The following MECOM variants were observed in gnomAD, a reference collection of about 807,000 sequenced individuals.
MECOM encodes histone-lysine N-methyltransferase MECOM.
A neutral mutation model predicts 116.3 loss-of-function variants in MECOM; 13 were observed. That is an observed-to-expected ratio of 0.11 (90% CI 0.07 to 0.18). MECOM has a LOEUF of 0.18. Among genes scored for constraint, MECOM ranks in the 10% least tolerant of loss-of-function variants. The pLI is 1.00. For missense variants in MECOM, 1,299 were observed against 1,509.0 expected (o/e 0.86, Z 2.31); for synonymous variants, 528 against 535.2 (o/e 0.99, Z 0.19).
intron 1 of MECOM, among the ~76,000 whole-genome samples, chr3:169,528,551 G>A (rs1758213230): frequency 6.6e-6 from 1 of 152,140 alleles, no homozygotes; most frequent in Non-Finnish European, 1.5e-5. Flanking sequence ...TTTTTAAAAA[G>A]GAGTATTCTC....
chr3:169,234,336 T>C (rs1387006433), intron 2 of MECOM, among the ~76,000 whole-genome samples: 1 of 152,014 alleles, frequency 6.6e-6, no homozygotes, highest in African/African-American at 2.4e-5. Flanking sequence ...TTAGGTTCTA[T>C]CAAGATTCTT....
At chr3:169,396,695 G>T (rs1447176868) in intron 1 of MECOM, among the ~76,000 whole-genome samples, 2 of 152,122 alleles carry the variant, frequency 1.3e-5, no homozygotes, top group Non-Finnish European at 2.9e-5. Context: ...GAATAGCAAG[G>T]CATGGTGGCT....
intron 2 of MECOM, among the ~76,000 whole-genome samples, chr3:169,371,966 G>A (rs1730213744): frequency 6.6e-6 from 1 of 151,996 alleles, no homozygotes; most frequent in Non-Finnish European, 1.5e-5. Flanking sequence ...AATGACACAA[G>A]GAAGCACATC....
At chr3:169,360,270 C>A (rs16853569) in intron 2 of MECOM, among the ~76,000 whole-genome samples, 49,526 of 132,764 alleles carry the variant, frequency 0.37, 9,586 homozygotes, top group Admixed American at 0.5. Context: ...GTACCTCAGA[C>A]CCTAAAACTT....
At chr3:169,238,978 A>G (rs1189977041) in intron 2 of MECOM, among the ~76,000 whole-genome samples, 1 of 152,166 alleles carries the variant, frequency 6.6e-6, no homozygotes, top group Non-Finnish European at 1.5e-5. Context: ...TCACATCTTC[A>G]TCATAATGAG....
At chr3:169,620,242 C>A (rs1266558030) in intron 1 of MECOM, among the ~76,000 whole-genome samples, 1 of 152,162 alleles carries the variant, frequency 6.6e-6, no homozygotes, top group African/African-American at 2.4e-5. Context: ...TCCATTGCAA[C>A]CCTCTGGCTT....
chr3:169,087,616 AC>A (rs1229369446), intron 16 of MECOM, among the ~76,000 whole-genome samples: 1 of 152,112 alleles, frequency 6.6e-6, no homozygotes. Flanking sequence ...GAAACAAGTA[AC>A]AAAAAACCAA....
rs1029387551 is a variant in MECOM, at chr3:169,284,294, C to A, written c.375+96893G>T. Among the ~76,000 whole-genome samples, 41 of 152,334 alleles carry A rather than the reference C, an allele frequency of 2.7e-4. 1 individual carries two copies. The highest frequency in any genetic ancestry group is 9.9e-4 in the African/African-American group (41 of 41,574). ...TTACCTTTCGGAAACCACGGGGTCA[C>A]ATTCTAGCAGCCTCCTTCGTGGTCT... On this transcript the variant is annotated intron_variant, in intron 2 of 16. Transcript: ENST00000651503.
At chr3:169,098,087 AC>A (rs1722310897) in intron 12 of MECOM, among the ~76,000 whole-genome samples, 2 of 152,148 alleles carry the variant, frequency 1.3e-5, no homozygotes, top group South Asian at 4.1e-4. Flanking sequence ...CAAAGATAGT[AC>A]AAAGGGTTCC....
chr3:169,488,485 G>T (rs1752677457), intron 1 of MECOM, among the ~76,000 whole-genome samples: 1 of 151,918 alleles, frequency 6.6e-6, no homozygotes, highest in Non-Finnish European at 1.5e-5. Context: ...AGCAAAGGTT[G>T]CTGTGAACCG....
chr3:169,115,538 G>A lies in MECOM; in HGVS notation c.2334C>T (p.Gly778=). ...TTGTCCCACTGGCTCTACTCCTACT[G>A]CCCATACTTAGATCCAGGGGCTGGT... ...SQDQPLDLSM[G]SRSRASGTKL... The change falls in exon 8 of 17, where the codon GGC becomes GGT. Residue 778 remains glycine, a synonymous_variant. Transcript: ENST00000651503. 6.2e-7 allele frequency: 1 copy of A among 1,614,006 alleles called. No homozygotes were observed. The highest frequency in any genetic ancestry group is 8.5e-7 in the Non-Finnish European group (1 of 1,180,014).
intron 2 of MECOM, among the ~76,000 whole-genome samples, chr3:169,331,921 C>A (rs575042257): frequency 6.7e-6 from 1 of 150,184 alleles, no homozygotes; most frequent in Non-Finnish European, 1.5e-5. Context: ...AAGTGAGATG[C>A]GTACTGGGAT....
At chr3:169,313,632 G>T (rs1012116969) in intron 2 of MECOM, among the ~76,000 whole-genome samples, 9 of 152,198 alleles carry the variant, frequency 5.9e-5, no homozygotes, top group African/African-American at 1.7e-4. Context: ...TGGTGATGTG[G>T]CATGTAGATA....
At chr3:169,562,270 C>T (rs1202250002) in intron 1 of MECOM, among the ~76,000 whole-genome samples, 1 of 151,206 alleles carries the variant, frequency 6.6e-6, no homozygotes, top group Non-Finnish European at 1.5e-5. Flanking sequence ...AATCTTATCT[C>T]TAAACAAAAT....
rs370953541 is a variant in MECOM at position 169,133,153 on chromosome 3, CACA to C, written c.511-1625_511-1623del. 2.8e-3 allele frequency among the ~76,000 whole-genome samples: 418 copies of C among 151,890 alleles called. 2 individuals are homozygous for C. The highest frequency in any genetic ancestry group is 9.0e-3 in the African/African-American group (373 of 41,382). On this transcript the variant is annotated intron_variant, in intron 3 of 16. Transcript: ENST00000651503. ...CACACATACACTACCAAAACAATAA[CACA>C]ACAACCACCATCATATTCTAAGAAT...
chr3:169,645,656 A>G (rs960155005), intron 1 of MECOM, among the ~76,000 whole-genome samples: 8 of 152,338 alleles, frequency 5.3e-5, no homozygotes, highest in Admixed American at 5.2e-4. Context: ...TTGCGGCTAC[A>G]AAGGCCAGAA....
chr3:169,141,284 A>G (rs753534705), intron 3 of MECOM, among the ~76,000 whole-genome samples: 10 of 152,058 alleles, frequency 6.6e-5, no homozygotes, highest in Non-Finnish European at 1.2e-4. Flanking sequence ...GTATCTAAAA[A>G]TCAGAGCAAA....
At position 169,381,362 on chromosome 3, in the gene MECOM, G is replaced by C. The variant is rs764373815; in HGVS notation, c.200C>G (p.Pro67Arg). The change falls in exon 2 of 17, where the codon CCC (proline) becomes CGC (arginine). Residue 67 changes from proline (P) to arginine (R), a missense_variant. Pro to Arg is a moderately radical substitution (Grantham distance 103, BLOSUM62 -2). This residue lies in a region of MECOM where 374 missense variants were observed against 433.4 expected (regional missense o/e 0.86). Coordinates refer to ENST00000651503, the MANE Select transcript of MECOM (RefSeq NM_004991.4). The stretch of plus-strand genomic sequence containing the variant: ...GGGGATATCATCAGGGATGTAGATG[G>C]GGGCTTTGTAAGGAGAACCCTCCTT... The part of the protein sequence containing the change: ...TPKEGSPYKA[P>R]IYIPDDIPIP... 8 of 1,613,860 alleles carry C rather than the reference G, an allele frequency of 5.0e-6. No homozygotes were observed. Among genetic ancestry groups the C allele is most frequent in the Admixed American group, 1.7e-5 (1 of 60,002 alleles).
rs544432802 is a variant in MECOM, at chr3:169,131,988, C to T, written c.511-457G>A. On this transcript the variant is annotated intron_variant, in intron 3 of 16. Coordinates refer to ENST00000651503, the MANE Select transcript of MECOM (RefSeq NM_004991.4). ...TGCAAAAGTAGCGCCTTCTCAACAA[C>T]GTGTTTGGAAGGTAATAGGTTGAAA... 4.5e-5 allele frequency: 45 copies of T among 993,066 alleles called. No individual in the cohort carries two copies. In the African/African-American group the frequency reaches 7.0e-4, roughly 15 times the overall value. The allele number at this position is 993,066 out of a possible 1,614,324, so 61.5% of individuals were successfully genotyped here. A position where few individuals can be genotyped will look rare whatever the true frequency, so the allele number is the denominator to read the frequency against.
Sources: gnomAD v4.1 joint callset for allele counts (sites outside exome capture counted in the v4.1 genomes callset) on GRCh38, gnomAD v4.1.1 for gene constraint, gnomAD v4.1.1 regional missense constraint, MANE v1.5 for transcripts, NCBI Gene and HGNC (gene_info 2026-07-23, HGNC 2026-07-21) for gene names.